FREM2: variants seen among roughly 807,000 people sequenced by gnomAD.
FREM2 encodes the protein FRAS1-related extracellular matrix protein 2.
A neutral mutation model predicts 219.9 loss-of-function variants in FREM2; 119 were observed. The ratio of observed to expected loss-of-function variants is 0.54; its 90% CI spans 0.47 to 0.63. The LOEUF (loss-of-function observed/expected upper bound fraction) is 0.63, where lower values mean the gene tolerates loss of function less well. Ranked by LOEUF, FREM2 falls within the 30% of genes least tolerant of loss-of-function variation. The pLI is 0.00. For synonymous variants in FREM2, 1,562 were observed against 1,522.8 expected, an observed-to-expected ratio of 1.03 and a Z score of -0.60; for missense variants, 4,030 against 3,993.6, an observed-to-expected ratio of 1.01 and a Z score of -0.25.
intron 2 of FREM2, among the ~76,000 whole-genome samples, chr13:38,726,079 G>A (rs1412049474): frequency 2.6e-5 from 4 of 152,188 alleles, no homozygotes; most frequent in African/African-American, 7.2e-5. Flanking sequence ...ATGCCATGCA[G>A]GGCTCCATGG....
At chr13:38,713,013 A>T (rs2442366) in intron 2 of FREM2, among the ~76,000 whole-genome samples, 2,886 of 152,142 alleles carry the variant, frequency 0.019, 106 homozygotes, top group African/African-American at 0.067. Flanking sequence ...CCTCTGTCCA[A>T]ATAGTCCTCA....
chr13:38,809,514 G>A (rs1054626743), intron 6 of FREM2, among the ~76,000 whole-genome samples: 35 of 151,986 alleles, frequency 2.3e-4, no homozygotes, highest in African/African-American at 8.5e-4. Context: ...TAAGGCGAGA[G>A]ATAGGGATTA....
chr13:38,773,135 A>G (rs550756977), intron 4 of FREM2, among the ~76,000 whole-genome samples: 2 of 152,312 alleles, frequency 1.3e-5, no homozygotes, highest in African/African-American at 2.4e-5. Context: ...TTAAATGACT[A>G]TGTATTTTAT....
At position 38,885,685 on chromosome 13, in the gene FREM2, T is replaced by G. The variant is rs1430178648; in HGVS notation, c.*4898T>G. The G allele has an allele frequency of 2.0e-5, 3 of 152,156 alleles. No homozygotes were observed. Among genetic ancestry groups the G allele is most frequent in the Non-Finnish European group, 4.4e-5 (3 of 68,008 alleles). The allele number at this position is 152,156 out of a possible 1,614,324, so 9.4% of individuals were successfully genotyped here. On this transcript the variant is annotated 3_prime_UTR_variant, in exon 24 of 24. Transcript: ENST00000280481. ...GCAGTATCCCTTCTGTGTAAAATGT[T>G]AAGGCTTTCAGATGAAAGAAAAAAG... is the stretch of plus-strand genomic sequence containing the variant.
At chr13:38,806,605 A>G (rs1875238209) in intron 6 of FREM2, among the ~76,000 whole-genome samples, 1 of 151,824 alleles carries the variant, frequency 6.6e-6, no homozygotes, top group African/African-American at 2.4e-5. Context: ...TTTATTGCCA[A>G]AAAATGCTAA....
At chr13:38,810,567 G>GA (rs577392234) in intron 6 of FREM2, among the ~76,000 whole-genome samples, 195 of 151,826 alleles carry the variant, frequency 1.3e-3, no homozygotes, top group African/African-American at 4.7e-3. Flanking sequence ...AGCATCAATT[G>GA]AAAAAAACAT....
At chr13:38,738,862 G>A (rs1199908723) in intron 2 of FREM2, among the ~76,000 whole-genome samples, 4 of 152,144 alleles carry the variant, frequency 2.6e-5, no homozygotes, top group Non-Finnish European at 1.5e-5. Flanking sequence ...AAAACCAAAA[G>A]TGTAGTGTCA....
rs374450212 is a variant in FREM2, at chr13:38,713,561, G to A, written c.5263+15774G>A. On this transcript the variant is annotated intron_variant, in intron 2 of 23. Coordinates refer to ENST00000280481, the MANE Select transcript of FREM2 (RefSeq NM_207361.6). ...AATCTAGCTCATGGATTTAAGGCCA[G>A]CCATTCTATGGCCTTAACTGATCGC... 1.2e-4 allele frequency among the ~76,000 whole-genome samples: 19 copies of A among 152,292 alleles called. No individual in the cohort carries two copies. The East Asian group carries it at 1.4e-3, about 11-fold the overall frequency.
rs143708269 is a variant in FREM2 at position 38,692,404 on chromosome 13, A to C, written c.5060A>C (p.Glu1687Ala). 5.6e-5 allele frequency: 90 copies of C among 1,611,860 alleles called. No individual in the cohort carries two copies. The Middle Eastern group carries it at 1.5e-3, about 27-fold the overall frequency. ...ATCACAAGCAAAATATTGAAAGTGG[A>C]GGACAGAGACAGCTTACACATTTCT... ...FMITSKILKV[E>A]DRDSLHISLR... The change falls in exon 1 of 24, where the codon GAG (glutamate) becomes GCG (alanine). Residue 1687 changes from glutamate to alanine, a missense_variant. Coordinates refer to ENST00000280481, the MANE Select transcript of FREM2 (RefSeq NM_207361.6).
At chr13:38,876,884 G>A (rs899714678) in intron 20 of FREM2, among the ~76,000 whole-genome samples, 1 of 152,152 alleles carries the variant, frequency 6.6e-6, no homozygotes, top group Non-Finnish European at 1.5e-5. Context: ...GTGGAAATGA[G>A]CTCAAGCAAT....
At chr13:38,783,280 C>A in intron 5 of FREM2, 85 bp downstream of exon 5, 1 of 1,352,508 alleles carries the variant, frequency 7.4e-7, no homozygotes, top group Non-Finnish European at 1.1e-6. Flanking sequence ...AACATTTTAC[C>A]ATGAGGGGTA....
chr13:38,853,263 G>A (rs1877440031), intron 11 of FREM2, among the ~76,000 whole-genome samples: 1 of 149,648 alleles, frequency 6.7e-6, no homozygotes, highest in African/African-American at 2.5e-5. Context: ...GGAAAGCAGA[G>A]GCCGAGATCC....
intron 6 of FREM2, among the ~76,000 whole-genome samples, chr13:38,803,500 C>T (rs1875101198): frequency 6.6e-6 from 1 of 152,082 alleles, no homozygotes; most frequent in South Asian, 2.1e-4. Context: ...GTGCAGATAT[C>T]AAACATCTGA....
Position 38,711,988 on chromosome 13 carries a change from C to T in FREM2, c.5263+14201C>T, listed in dbSNP as rs550271840. Among the ~76,000 whole-genome samples the T allele has an allele frequency of 2.1e-4, 29 of 137,486 alleles. No individual in the cohort carries two copies. In the Middle Eastern group the frequency reaches 0.012, roughly 59 times the overall value. The allele number at this position is 137,486 out of a possible 152,430, so 90.2% of individuals were successfully genotyped here. On this transcript the variant is annotated intron_variant, in intron 2 of 23. Transcript: ENST00000280481. Reference sequence around the variant, plus strand: ...AGGCTGGAGTGCAGTGGTGTGATCTCGGCTCACTGCAACCTCCACATCCCA... The same window carrying T: ...AGGCTGGAGTGCAGTGGTGTGATCTTGGCTCACTGCAACCTCCACATCCCA...
chr13:38,863,096 CT>C (rs1436946475), intron 15 of FREM2, among the ~76,000 whole-genome samples: 3 of 152,132 alleles, frequency 2.0e-5, no homozygotes, highest in South Asian at 2.1e-4. Context: ...GTTACCCAGG[CT>C]GGAGTGCAGT....
At chr13:38,747,393 A>ATG (rs1491337077) in intron 2 of FREM2, among the ~76,000 whole-genome samples, 18 of 56,822 alleles carry the variant, frequency 3.2e-4, no homozygotes, top group African/African-American at 1.3e-3. Context: ...AGCTGATATA[A>ATG]TATGTGTGTG....
intron 6 of FREM2, among the ~76,000 whole-genome samples, chr13:38,839,693 G>A (rs1181168730): frequency 6.6e-6 from 1 of 152,190 alleles, no homozygotes; most frequent in Non-Finnish European, 1.5e-5. Context: ...GGCTACCGTG[G>A]CTTTGCGGTG....
At chr13:38,864,751 T>C in intron 16 of FREM2, 145 bp downstream of exon 16, 1 of 729,334 alleles carries the variant, frequency 1.4e-6, no homozygotes, top group Non-Finnish European at 2.4e-6. Flanking sequence ...ACAACTGGCA[T>C]GGATGGTGTG....
At chr13:38,815,754 G>A (rs1329378637) in intron 6 of FREM2, among the ~76,000 whole-genome samples, 3 of 152,162 alleles carry the variant, frequency 2.0e-5, no homozygotes, top group Non-Finnish European at 4.4e-5. Context: ...GGAGCCAGAA[G>A]GTGCAAGATC....
Sources: allele counts gnomAD v4.1 joint callset (sites outside exome capture counted in the v4.1 genomes callset), GRCh38; gene constraint gnomAD v4.1.1; transcripts MANE v1.5; gene names NCBI Gene and HGNC (gene_info 2026-07-23, HGNC 2026-07-21).